DSCAML1: variants seen among roughly 807,000 people sequenced by gnomAD.
The protein encoded by DSCAML1 is DS cell adhesion molecule like 1.
In DSCAML1, 38 loss-of-function variants were observed where a neutral mutation model predicts 200.5. The observed-to-expected ratio is 0.19, with a 90% confidence interval of 0.15 to 0.25. The LOEUF (loss-of-function observed/expected upper bound fraction) is 0.25, where lower values mean the gene tolerates loss of function less well. DSCAML1 is among the 10% of genes least tolerant of loss of function. The probability of loss-of-function intolerance (pLI) is 1.00; values close to 1 mark genes in which losing one functional copy is unlikely to be tolerated. For missense variants in DSCAML1, 2,223 were observed against 2,858.8 expected, an observed-to-expected ratio of 0.78 and a Z score of 5.07; for synonymous variants, 1,215 against 1,165.0, an observed-to-expected ratio of 1.04 and a Z score of -0.87.
intron 3 of DSCAML1, among the ~76,000 whole-genome samples, chr11:117,594,598 C>T (rs2051324855): frequency 6.6e-6 from 1 of 152,172 alleles, no homozygotes. Flanking sequence ...TCTGGGTGTC[C>T]CCAGCGGGCT....
In DSCAML1 at chr11:117,461,614, A is replaced by G. The variant is rs754979320; in HGVS notation, c.3266-18T>C. On this transcript the variant is annotated intron_variant, in intron 17 of 32. Transcript: ENST00000651296. ...GCTGGGCACTGCAGGGGGTAGGGGG[A>G]GAACCAAGGGTCCAGTCAGTCATGG... 3 of 1,606,394 alleles carry G rather than the reference A, an allele frequency of 1.9e-6. No individual in the cohort carries two copies. The highest frequency in any genetic ancestry group is 2.5e-6 in the Non-Finnish European group (3 of 1,178,684).
intron 3 of DSCAML1, among the ~76,000 whole-genome samples, chr11:117,549,580 G>A (rs952045223): frequency 7.2e-5 from 11 of 152,290 alleles, no homozygotes; most frequent in African/African-American, 4.8e-5. Flanking sequence ...TAGTGGTCAC[G>A]TGAATTAAAG....
At position 117,805,640 on chromosome 11, in the gene DSCAML1, TCTC is replaced by T. The variant is rs138670825; in HGVS notation, c.-250+11747_-250+11749del. Among the ~76,000 whole-genome samples the T allele has an allele frequency of 5.5e-3, 838 of 152,250 alleles. 8 individuals are homozygous for T. Among genetic ancestry groups the T allele is most frequent in the African/African-American group, 0.019 (807 of 41,538 alleles). On this transcript the variant is annotated intron_variant, in intron 1 of 2. Transcript: ENST00000525836. ...GGTTTTGGGGGATCCATTTCCCACTTCTCCTGGTTAAAAACTCTGTTCTTTCAC... is the reference window on the plus strand; with the variant it reads ...GGTTTTGGGGGATCCATTTCCCACTTCTGGTTAAAAACTCTGTTCTTTCAC...
At chr11:117,623,555 G>A (rs2051983499) in intron 3 of DSCAML1, among the ~76,000 whole-genome samples, 1 of 152,146 alleles carries the variant, frequency 6.6e-6, no homozygotes, top group Non-Finnish European at 1.5e-5. Context: ...CTTAGCATGG[G>A]ATCTAGGGTT....
chr11:117,554,931 C>G lies in DSCAML1; in HGVS notation c.512-22409G>C, dbSNP rs2050534063. On this transcript the variant is annotated intron_variant, in intron 3 of 32. Coordinates refer to ENST00000651296, the MANE Select transcript of DSCAML1 (RefSeq NM_020693.4). ...ATGCAGTTCTAATGGAGACAGTACC[C>G]AAACTCATCCCCTCTGACTGCTTCC... Among the ~76,000 whole-genome samples, 5 of 152,182 alleles carry G rather than the reference C, an allele frequency of 3.3e-5. No individual in the cohort carries two copies. In the South Asian group the frequency reaches 1.0e-3, roughly 32 times the overall value.
chr11:117,756,413 G>A (rs752036246), intron 3 of DSCAML1, among the ~76,000 whole-genome samples: 18 of 152,180 alleles, frequency 1.2e-4, no homozygotes, highest in Non-Finnish European at 1.8e-4. Flanking sequence ...AGAAGCATCC[G>A]TGAAACTCAG....
At chr11:117,605,376 C>T (rs1040595552) in intron 3 of DSCAML1, among the ~76,000 whole-genome samples, 4 of 152,174 alleles carry the variant, frequency 2.6e-5, no homozygotes, top group African/African-American at 9.7e-5. Context: ...CAATCCTCTA[C>T]CCCAAGCTCT....
intron 3 of DSCAML1, among the ~76,000 whole-genome samples, chr11:117,551,977 C>A (rs1411493994): frequency 7.0e-6 from 1 of 142,506 alleles, no homozygotes; most frequent in African/African-American, 2.6e-5. Context: ...GAGACAATGT[C>A]TTATCAGACT....
At chr11:117,443,000 C>CGGCAGG (rs2048099253) in intron 21 of DSCAML1, among the ~76,000 whole-genome samples, 1 of 152,196 alleles carries the variant, frequency 6.6e-6, no homozygotes, top group African/African-American at 2.4e-5. Flanking sequence ...TCTGAGCCCG[C>CGGCAGG]GGCAGGGTAG....
At position 117,503,546 on chromosome 11, in the gene DSCAML1, G is replaced by A. The variant is rs188174369; in HGVS notation, c.2359+299C>T. ...TTGATAGGATTATTCAGATCGAATC[G>A]CCAATCTACAGACCAAAGTAAACAG... On this transcript the variant is annotated intron_variant, in intron 11 of 32. Transcript: ENST00000651296. This position sits in a 1 kb window ranked among gnomAD's most constrained non-coding sequence, Gnocchi z 5.2. 7.2e-5 allele frequency among the ~76,000 whole-genome samples: 11 copies of A among 152,274 alleles called. No individual in the cohort carries two copies. The highest frequency in any genetic ancestry group is 1.9e-4 in the African/African-American group (8 of 41,560).
intron 11 of DSCAML1, among the ~76,000 whole-genome samples, chr11:117,492,722 G>A (rs1001366242): frequency 1.3e-5 from 2 of 152,158 alleles, no homozygotes; most frequent in African/African-American, 4.8e-5. Context: ...CGGGTGGTCG[G>A]CGGGGCGGGT....
In DSCAML1 at chr11:117,480,376, C is replaced by G; in HGVS notation, c.2785+67G>C. On this transcript the variant is annotated intron_variant, in intron 14 of 32. Transcript: ENST00000651296. The surrounding 1 kb of genome is among the most constrained non-coding windows in gnomAD (Gnocchi z 4.1). ...TCAGGGGCTCTCCTCCCAGAGGGCA[C>G]AGGCAGGACACGTGGCACAAGGGGC... is the stretch of plus-strand genomic sequence containing the variant. The G allele has an allele frequency of 6.3e-7, 1 of 1,596,452 alleles. No homozygotes were observed. The highest frequency in any genetic ancestry group is 8.5e-7 in the Non-Finnish European group (1 of 1,170,938).
At chr11:117,461,682 G>C (rs1042663087) in intron 17 of DSCAML1, 86 bp from the exon 18 acceptor site, 8 of 1,382,910 alleles carry the variant, frequency 5.8e-6, no homozygotes, top group Middle Eastern at 5.0e-4. Context: ...GCTGGGTCCC[G>C]CAGTCCAACC....
chr11:117,762,741 T>C (rs905632272), intron 3 of DSCAML1, among the ~76,000 whole-genome samples: 1 of 151,988 alleles, frequency 6.6e-6, no homozygotes, highest in Non-Finnish European at 1.5e-5. Context: ...CAGGTGCCTG[T>C]AACCCCAGAT....
chr11:117,674,867 G>C (rs2053178685), intron 3 of DSCAML1, among the ~76,000 whole-genome samples: 2 of 152,188 alleles, frequency 1.3e-5, no homozygotes, highest in South Asian at 4.2e-4. Flanking sequence ...TTGTAGAATG[G>C]GGCAAATCCT....
chr11:117,670,410 G>T (rs1206024669), intron 3 of DSCAML1, among the ~76,000 whole-genome samples: 1 of 152,070 alleles, frequency 6.6e-6, no homozygotes, highest in African/African-American at 2.4e-5. Context: ...TATGTGCAAG[G>T]CAGACAGGCA....
intron 3 of DSCAML1, among the ~76,000 whole-genome samples, chr11:117,625,139 C>T (rs997912043): frequency 3.3e-5 from 5 of 152,002 alleles, no homozygotes; most frequent in South Asian, 2.1e-4. Context: ...CTAGTCTCTA[C>T]CTCTCCCACC....
chr11:117,508,687 G>A (rs2049557434), intron 8 of DSCAML1, among the ~76,000 whole-genome samples: 1 of 152,140 alleles, frequency 6.6e-6, no homozygotes. Flanking sequence ...TTGAACACGA[G>A]CAAGGGGAGG....
rs78744690 is a variant in DSCAML1, at chr11:117,593,290, G to T, written c.512-60768C>A. 1.5e-3 allele frequency among the ~76,000 whole-genome samples: 231 copies of T among 152,194 alleles called. 1 individual carries two copies. Among genetic ancestry groups the T allele is most frequent in the African/African-American group, 5.3e-3 (220 of 41,554 alleles). ...AATCTCTGCTTTCTCCCCTGCTCCCGCCCACCCTGACCTCTTGCAAAATGG... is the reference window on the plus strand; with the variant it reads ...AATCTCTGCTTTCTCCCCTGCTCCCTCCCACCCTGACCTCTTGCAAAATGG... On this transcript the variant is annotated intron_variant, in intron 3 of 32. Transcript: ENST00000651296.
Sources: gnomAD v4.1 joint callset for allele counts (sites outside exome capture counted in the v4.1 genomes callset) on GRCh38, gnomAD v4.1.1 for gene constraint, Gnocchi (gnomAD v3.1) non-coding constraint, MANE v1.5 for transcripts, NCBI Gene and HGNC (gene_info 2026-07-23, HGNC 2026-07-21) for gene names.